SEMA3A: variants seen among roughly 807,000 people sequenced by gnomAD.
The protein encoded by SEMA3A is semaphorin 3A.
In SEMA3A, 29 loss-of-function variants were observed where a neutral mutation model predicts 97.9. That is an observed-to-expected ratio of 0.30 (90% confidence interval 0.22 to 0.40). The LOEUF is 0.40. Among genes scored for constraint, SEMA3A ranks in the 10% least tolerant of loss-of-function variants. The pLI, the probability that SEMA3A is intolerant of heterozygous loss-of-function variation, is 1.00. For missense variants in SEMA3A, 763 were observed against 951.3 expected (o/e 0.80, Z 2.60); for synonymous variants, 321 against 323.7 (o/e 0.99, Z 0.09).
intron 4 of SEMA3A, among the ~76,000 whole-genome samples, chr7:84,068,167 G>T (rs12707607): frequency 7.3e-6 from 1 of 137,898 alleles, no homozygotes; most frequent in Non-Finnish European, 1.5e-5. Flanking sequence ...GTAAACTATC[G>T]CAAGAACAAA....
chr7:84,089,148 G>A (rs1185029239), intron 4 of SEMA3A, among the ~76,000 whole-genome samples: 1 of 152,090 alleles, frequency 6.6e-6, no homozygotes, highest in Non-Finnish European at 1.5e-5. Flanking sequence ...GCAGCATATT[G>A]TCAGAGGAGT....
At chr7:84,055,688 G>C (rs1792941320) in intron 5 of SEMA3A, among the ~76,000 whole-genome samples, 1 of 152,230 alleles carries the variant, frequency 6.6e-6, no homozygotes, top group Non-Finnish European at 1.5e-5. Context: ...GCTCGGAGCT[G>C]TAGATCGGAG....
intron 2 of SEMA3A, among the ~76,000 whole-genome samples, chr7:84,361,076 C>T (rs1802707600): frequency 6.6e-6 from 1 of 151,980 alleles, no homozygotes; most frequent in South Asian, 2.1e-4. Flanking sequence ...AAATGTTTTA[C>T]AGCTTCAAAT....
In SEMA3A at chr7:84,131,905, G is replaced by A. The variant is rs371802986; in HGVS notation, c.271-2720C>T. ...CCTCCAGGGCAATGATTGTCCTGCC[G>A]CAGCCTTTAGGCTAGCTGTGACTAC... is the stretch of plus-strand genomic sequence containing the variant. On this transcript the variant is annotated intron_variant, in intron 2 of 16. Coordinates refer to ENST00000265362, the MANE Select transcript of SEMA3A (RefSeq NM_006080.3). 5.1e-4 allele frequency among the ~76,000 whole-genome samples: 78 copies of A among 152,176 alleles called. No individual in the cohort carries two copies. In the East Asian group the frequency reaches 0.013, roughly 25 times the overall value.
chr7:84,026,912 G>C (rs1409654170), intron 6 of SEMA3A, among the ~76,000 whole-genome samples: 3 of 151,998 alleles, frequency 2.0e-5, no homozygotes, highest in Admixed American at 6.6e-5. Context: ...CTCAATACCT[G>C]AGTGATGAAA....
rs960510321 is a variant in SEMA3A, at chr7:84,063,313, T to C, written c.454-2755A>G. On this transcript the variant is annotated intron_variant, in intron 4 of 16. Coordinates refer to ENST00000265362, the MANE Select transcript of SEMA3A (RefSeq NM_006080.3). ...CCAAAAGTAGATAAAACCACAAAGA[T>C]GGGGAAAAAACAGAACAGAAAAACT... Among the ~76,000 whole-genome samples the C allele has an allele frequency of 1.1e-4, 16 of 149,168 alleles. 1 individual carries two copies. The highest frequency in any genetic ancestry group is 3.0e-4 in the African/African-American group (12 of 40,314).
chr7:84,008,407 T>C (rs1368862263), intron 9 of SEMA3A, among the ~76,000 whole-genome samples: 1 of 148,338 alleles, frequency 6.7e-6, no homozygotes. Context: ...AGGAGAATGG[T>C]GTGAGCCGGC....
chr7:84,007,880 C>A (rs1790729629), intron 9 of SEMA3A, among the ~76,000 whole-genome samples: 1 of 152,072 alleles, frequency 6.6e-6, no homozygotes, highest in South Asian at 2.1e-4. Flanking sequence ...TTACTGAAAC[C>A]AGGAAACTTT....
chr7:84,484,922 A>C (rs982741555), intron 1 of SEMA3A, among the ~76,000 whole-genome samples: 1 of 152,218 alleles, frequency 6.6e-6, no homozygotes, highest in African/African-American at 2.4e-5. Context: ...CCTGCACTGC[A>C]TGTGGGCATC....
chr7:84,299,385 T>TATATATATATAC (rs1800952097), intron 3 of SEMA3A, among the ~76,000 whole-genome samples: 2 of 139,086 alleles, frequency 1.4e-5, no homozygotes, highest in African/African-American at 5.5e-5. Flanking sequence ...TATATATATA[T>TATATATATATAC]ACACACATCT....
chr7:84,386,249 C>T (rs772878558), intron 1 of SEMA3A, among the ~76,000 whole-genome samples: 2 of 152,152 alleles, frequency 1.3e-5, no homozygotes, highest in Non-Finnish European at 2.9e-5. Context: ...CTCAATGCAA[C>T]AAAGGCTTAT....
chr7:84,382,234 A>C (rs1016459644), intron 1 of SEMA3A, among the ~76,000 whole-genome samples: 2 of 151,796 alleles, frequency 1.3e-5, no homozygotes, highest in African/African-American at 4.8e-5. Flanking sequence ...CAGCCTCCCT[A>C]GTAGCTGGGA....
intron 1 of SEMA3A, among the ~76,000 whole-genome samples, chr7:84,398,387 A>G (rs1344670367): frequency 2.0e-5 from 3 of 152,086 alleles, no homozygotes; most frequent in African/African-American, 7.2e-5. Flanking sequence ...ATTCATGACA[A>G]TTTGTGTCTT....
At chr7:84,159,732 C>T (rs540349249) in intron 1 of SEMA3A, among the ~76,000 whole-genome samples, 3 of 152,212 alleles carry the variant, frequency 2.0e-5, no homozygotes, top group Admixed American at 2.0e-4. Context: ...AATAGTTAGA[C>T]CCTTAGCTCT....
intron 1 of SEMA3A, among the ~76,000 whole-genome samples, chr7:84,418,167 C>T (rs979741483): frequency 2.6e-5 from 4 of 152,004 alleles, no homozygotes; most frequent in African/African-American, 9.7e-5. Context: ...AAACTGTTCT[C>T]ATGCTGGTAA....
At position 83,960,400 on chromosome 7, in the gene SEMA3A, A is replaced by C. The variant is rs1424588412; in HGVS notation, c.*971T>G. ...CTTAAATGTTCTGTTTTTTTTTCTA[A>C]GAACATTATGCAAGTAAAAATTAAT... On this transcript the variant is annotated 3_prime_UTR_variant, in exon 17 of 17. Transcript: ENST00000265362. 6.6e-6 allele frequency: 1 copy of C among 151,890 alleles called. No individual in the cohort carries two copies. Among genetic ancestry groups the C allele is most frequent in the Non-Finnish European group, 1.5e-5 (1 of 67,880 alleles). The allele number at this position is 151,890 out of a possible 1,614,324, so 9.4% of individuals were successfully genotyped here.
intron 4 of SEMA3A, among the ~76,000 whole-genome samples, chr7:84,103,344 A>T (rs1351889206): frequency 6.6e-6 from 1 of 152,168 alleles, no homozygotes; most frequent in Non-Finnish European, 1.5e-5. Flanking sequence ...TTAAAGGAGC[A>T]TTTTTGGCAT....
chr7:84,416,538 C>T (rs561349395), intron 1 of SEMA3A, among the ~76,000 whole-genome samples: 14 of 152,188 alleles, frequency 9.2e-5, no homozygotes, highest in South Asian at 2.1e-4. Context: ...TGGGCATTTA[C>T]GAGCTCATTT....
At chr7:84,138,946 C>G (rs558942166) in intron 1 of SEMA3A, among the ~76,000 whole-genome samples, 1 of 152,114 alleles carries the variant, frequency 6.6e-6, no homozygotes, top group East Asian at 1.9e-4. Context: ...ATCTAGTTCT[C>G]AGATTCTTCA....
Sources: gnomAD v4.1 joint callset for allele counts (sites outside exome capture counted in the v4.1 genomes callset) on GRCh38, gnomAD v4.1.1 for gene constraint, MANE v1.5 for transcripts, NCBI Gene and HGNC (gene_info 2026-07-23, HGNC 2026-07-21) for gene names.